Variants in RPL36A observed in about 807,000 individuals in gnomAD.
The protein encoded by RPL36A is ribosomal protein L36a.
For synonymous variants in RPL36A, 25 were observed against 28.5 expected (o/e 0.88, Z 0.39); for missense variants, 20 against 81.0 (o/e 0.25, Z 2.89).
chrX:101,394,051 C>T (rs1483367893), intron 3 of RPL36A, among the ~76,000 whole-genome samples: 4 of 111,666 alleles, frequency 3.6e-5, no homozygotes, highest in East Asian at 2.8e-4. Flanking sequence ...CAATCAAGGC[C>T]GTGCGTGGTG....
chrX:101,391,604 T>A, intron 2 of RPL36A, 40 bp downstream of exon 2: 4 of 1,204,412 alleles, frequency 3.3e-6, no homozygotes, highest in Non-Finnish European at 4.5e-6. Context: ...AATGTGACAT[T>A]TGTGTTGTAG....
intron 3 of RPL36A, chrX:101,393,401 AAG>A (rs1315462016): frequency 8.9e-6 from 1 of 111,900 alleles, no homozygotes; most frequent in African/African-American, 3.2e-5. Flanking sequence ...AAAAAGAAAA[AAG>A]AATGAATTAG....
chrX:101,391,840 T>C lies in RPL36A; in HGVS notation c.177+18T>C. The C allele has an allele frequency of 8.3e-7, 1 of 1,205,562 alleles. No homozygotes were observed. Among genetic ancestry groups the C allele is most frequent in the Non-Finnish European group, 1.1e-6 (1 of 893,023 alleles). On this transcript the variant is annotated intron_variant, in intron 3 of 4. Transcript: ENST00000553110. ...GGAAAAAGGTGAGTGGTAGTTACTA[T>C]TTGACGTTTCCCAGTTAATTGCCGT... is the stretch of plus-strand genomic sequence containing the variant.
At chrX:101,391,700 A>C in intron 2 of RPL36A, 55 bp from the exon 3 acceptor site, 3 of 1,204,426 alleles carry the variant, frequency 2.5e-6, no homozygotes, top group Non-Finnish European at 3.4e-6. Context: ...AAAACCTGTA[A>C]GACTTACTTG....
chrX:101,392,136 A>G, intron 3 of RPL36A: 2 of 1,076,623 alleles, frequency 1.9e-6, no homozygotes, highest in South Asian at 2.0e-5. Flanking sequence ...CTTGTTCCTT[A>G]TCTGTCAATA....
chrX:101,394,304 A>T (rs1927934669), intron 3 of RPL36A, among the ~76,000 whole-genome samples: 1 of 106,888 alleles, frequency 9.4e-6, no homozygotes, highest in Non-Finnish European at 1.9e-5. Flanking sequence ...CCTGGGCAAC[A>T]AGAGCAAAAC....
At chrX:101,394,742 AT>A (rs1927955792) in intron 3 of RPL36A, among the ~76,000 whole-genome samples, 1 of 98,307 alleles carries the variant, frequency 1.0e-5, no homozygotes, top group Admixed American at 1.2e-4. Context: ...TATTATATAT[AT>A]TTTTATGTTT....
rs1311351244 is a variant in RPL36A, at chrX:101,391,391, G to C, written c.4-68G>C. The C allele has an allele frequency of 2.6e-6, 3 of 1,155,111 alleles. No homozygotes were observed. The African/African-American group carries it at 5.3e-5, about 21-fold the overall frequency. ...CTCCTGGAGTGCCTCAGCTTTAGCT[G>C]GGTAAGGTAGGGCGTTGTGCCATTG... is the stretch of plus-strand genomic sequence containing the variant. On this transcript the variant is annotated intron_variant, in intron 1 of 4. Coordinates refer to ENST00000553110, the MANE Select transcript of RPL36A (RefSeq NM_021029.6).
intron 3 of RPL36A, chrX:101,393,610 T>C (rs1218837961): frequency 1.8e-5 from 2 of 112,108 alleles, no homozygotes; most frequent in Admixed American, 9.5e-5. Flanking sequence ...CATGTTGATA[T>C]ATACCCTTGA....
At chrX:101,391,191 G>A in intron 1 of RPL36A, 145 bp downstream of exon 1, 1 of 723,979 alleles carries the variant, frequency 1.4e-6, no homozygotes, top group Non-Finnish European at 2.1e-6. Context: ...AACCCTAAAG[G>A]GACCGGGCTA....
At chrX:101,392,419 T>C in intron 3 of RPL36A, 1 of 792,475 alleles carries the variant, frequency 1.3e-6, no homozygotes, top group Non-Finnish European at 1.5e-6. Context: ...TTTGGCACTT[T>C]GCTTCTTGTG....
At position 101,395,850 on chromosome X, in the gene RPL36A, C is replaced by A; in HGVS notation, c.*102C>A. On this transcript the variant is annotated 3_prime_UTR_variant, in exon 5 of 5. Transcript: ENST00000553110. The stretch of plus-strand genomic sequence containing the variant: ...AGGGAATAAGCTAGAGCCATCAATA[C>A]AATTCCGCTTGTGGGGAAATTTATG... The A allele has an allele frequency of 1.2e-6, 1 of 801,614 alleles. No individual in the cohort carries two copies. Among genetic ancestry groups the A allele is most frequent in the Non-Finnish European group, 1.8e-6 (1 of 558,741 alleles). The allele number at this position is 801,614 out of a possible 1,213,427, so 66.1% of individuals were successfully genotyped here. A position where few individuals can be genotyped will look rare whatever the true frequency, so the allele number is the denominator to read the frequency against.
At chrX:101,391,713 G>A (rs782102007) in intron 2 of RPL36A, 42 bp from the exon 3 acceptor site, 2 of 1,205,793 alleles carry the variant, frequency 1.7e-6, no homozygotes, top group Non-Finnish European at 2.2e-6. Flanking sequence ...CTTACTTGCT[G>A]ATCTTCAGTA....
chrX:101,391,697 G>A (rs1490745118), intron 2 of RPL36A, 58 bp from the exon 3 acceptor site: 2 of 1,202,162 alleles, frequency 1.7e-6, no homozygotes, highest in African/African-American at 1.8e-5. Context: ...GATAAAACCT[G>A]TAAGACTTAC....
chrX:101,392,197 C>T (rs782063885), intron 3 of RPL36A: 2 of 974,823 alleles, frequency 2.1e-6, no homozygotes, highest in South Asian at 2.2e-5. Context: ...TGTTGTTTCT[C>T]ATCACAGAAA....
At chrX:101,391,910 T>C in intron 3 of RPL36A, 88 bp downstream of exon 3, 1 of 1,193,752 alleles carries the variant, frequency 8.4e-7, no homozygotes, top group Non-Finnish European at 1.1e-6. Context: ...ATGATATAGG[T>C]ATAGCGTTAG....
intron 1 of RPL36A, 172 bp from the exon 2 acceptor site, chrX:101,391,287 C>T (rs1422318577): frequency 1.6e-5 from 10 of 637,067 alleles, no homozygotes; most frequent in African/African-American, 2.2e-5. Context: ...CTTTGGGGCT[C>T]GACGGAGGGA....
At chrX:101,395,646 G>A (rs1927997461) in intron 4 of RPL36A, 82 bp from the exon 5 acceptor site, 1 of 1,124,424 alleles carries the variant, frequency 8.9e-7, no homozygotes, top group Non-Finnish European at 1.2e-6. Flanking sequence ...AGCATGGTGA[G>A]TATTTTAGGA....
At chrX:101,391,904 T>TA (rs782000485) in intron 3 of RPL36A, 82 bp downstream of exon 3, 24 of 1,193,954 alleles carry the variant, frequency 2.0e-5, no homozygotes, top group Non-Finnish European at 2.4e-5. Flanking sequence ...CACTTCATGA[T>TA]ATAGGTATAG....
Sources: gnomAD v4.1 joint callset for allele counts (sites outside exome capture counted in the v4.1 genomes callset) on GRCh38, gnomAD v4.1.1 for gene constraint, MANE v1.5 for transcripts, NCBI Gene and HGNC (gene_info 2026-07-23, HGNC 2026-07-21) for gene names.